Variants in OR8H1 observed in about 807,000 individuals in gnomAD.
OR8H1 encodes olfactory receptor 8H1.
For synonymous variants in OR8H1, 135 were observed against 134.5 expected (o/e 1.00, Z -0.03); for missense variants, 388 against 374.1 (o/e 1.04, Z -0.31).
In OR8H1 at chr11:56,290,218, G is replaced by A; in HGVS notation, c.845C>T (p.Pro282Leu). 1.2e-6 allele frequency: 2 copies of A among 1,612,452 alleles called. No homozygotes were observed. The highest frequency in any genetic ancestry group is 8.5e-7 in the Non-Finnish European group (1 of 1,179,466). The change falls in exon 2 of 2, where the codon CCC becomes CTC. Residue 282 changes from proline to leucine, a missense_variant. Pro to Leu is a moderately conservative substitution (Grantham distance 98). Transcript: ENST00000641600. ...VASVFYTIVI[P>L]MLNPLIYSLR... is the part of the protein sequence containing the mutation. Reference sequence around the variant, plus strand: ...ACTATAAATGAGTGGATTCAGCATGGGAATCACAATAGTATAAAAAACAGA... The same window carrying A: ...ACTATAAATGAGTGGATTCAGCATGAGAATCACAATAGTATAAAAAACAGA...
Position 56,290,055 on chromosome 11 carries a change from G to A in OR8H1, c.*72C>T, listed in dbSNP as rs766489568. On this transcript the variant is annotated 3_prime_UTR_variant, in exon 2 of 2. Transcript: ENST00000641600. ...TGAAGGATTCAATTGTTTTTATAGG[G>A]AGACCAAGGACATACCAAATAGAAA... 5 of 1,207,664 alleles carry A rather than the reference G, an allele frequency of 4.1e-6. No homozygotes were observed. Among genetic ancestry groups the A allele is most frequent in the Non-Finnish European group, 6.2e-6 (5 of 810,382 alleles). 74.8% of individuals were successfully genotyped at this position (1,207,664 alleles called of 1,614,324 possible).
At position 56,290,508 on chromosome 11, in the gene OR8H1, A is replaced by T; in HGVS notation, c.555T>A (p.Ala185=). 1 of 1,614,190 alleles carries T rather than the reference A, an allele frequency of 6.2e-7. No individual in the cohort carries two copies. Among genetic ancestry groups the T allele is most frequent in the Non-Finnish European group, 8.5e-7 (1 of 1,180,022 alleles). The stretch of plus-strand genomic sequence containing the variant: ...TGTCGTATGTGTCCATGCAGGACAG[A>T]GCTAAAATTGGAGACGTGTCGCAGA... ...HFFCDTSPIL[A]LSCMDTYDIE... The change falls in exon 2 of 2, where the codon GCT becomes GCA. Residue 185 remains alanine (A), a synonymous_variant. Transcript: ENST00000641600.
chr11:56,291,810 C>A (rs755289199), intron 1 of OR8H1, 141 bp downstream of exon 1: 1 of 152,090 alleles, frequency 6.6e-6, no homozygotes, highest in Non-Finnish European at 1.5e-5. Context: ...CTGATTCCAT[C>A]AACTCTACAT....
Position 56,290,737 on chromosome 11 carries a change from G to C in OR8H1, c.326C>G (p.Ala109Gly), listed in dbSNP as rs1260278549. The change falls in exon 2 of 2, where the codon GCT becomes GGT. Residue 109 changes from alanine (A) to glycine (G), a missense_variant. Coordinates refer to ENST00000641600, the MANE Select transcript of OR8H1 (RefSeq NM_001005199.2). ...CATTGATGAGAGAAGAAAACATTCA[G>C]CAGCTCCCAAGAAGACAAAAAAGAA... Reference protein sequence around the residue: ...QMFFFVFLGAAECFLLSSMAY... With the variant: ...QMFFFVFLGAGECFLLSSMAY... The C allele has an allele frequency of 2.5e-6, 4 of 1,613,992 alleles. No individual in the cohort carries two copies. The highest frequency in any genetic ancestry group is 3.4e-6 in the Non-Finnish European group (4 of 1,180,028).
rs1473582717 is a variant in OR8H1, at chr11:56,288,742, A to C, written c.*1385T>G. Reference sequence around the variant, plus strand: ...GATACAGAAAGCTGAAAATCAGTACACAGAAAGTGATATTTAGTTTACATA... The same window carrying C: ...GATACAGAAAGCTGAAAATCAGTACCCAGAAAGTGATATTTAGTTTACATA... On this transcript the variant is annotated 3_prime_UTR_variant, in exon 2 of 2. Transcript: ENST00000641600. The C allele has an allele frequency of 1.3e-5, 2 of 152,112 alleles. No homozygotes were observed. The highest frequency in any genetic ancestry group is 2.9e-5 in the Non-Finnish European group (2 of 67,950). The allele number at this position is 152,112 out of a possible 1,614,324, so 9.4% of individuals were successfully genotyped here. A position where few individuals can be genotyped will look rare whatever the true frequency, so the allele number is the denominator to read the frequency against.
chr11:56,290,914 C>A lies in OR8H1; in HGVS notation c.149G>T (p.Arg50Leu), dbSNP rs191885508. ...LGNVGMILIIRLDLQLHTPMY... is the reference protein window; with the variant it reads ...LGNVGMILIILLDLQLHTPMY... Reference sequence around the variant, plus strand: ...GGGAGTGTGAAGCTGGAGGTCCAGGCGGATTATCAATATCATCCCCACATT... The same window carrying A: ...GGGAGTGTGAAGCTGGAGGTCCAGGAGGATTATCAATATCATCCCCACATT... Residue 50 changes from arginine (R) to leucine (L), a missense_variant, in exon 2 of 2, where the codon CGC becomes CTC. By Grantham distance (102) the Arg-to-Leu change is moderately radical. Coordinates refer to ENST00000641600, the MANE Select transcript of OR8H1 (RefSeq NM_001005199.2). 2.3e-5 allele frequency: 37 copies of A among 1,613,998 alleles called. No individual in the cohort carries two copies. Among genetic ancestry groups the A allele is most frequent in the Admixed American group, 1.7e-4 (10 of 59,998 alleles).
intron 1 of OR8H1, 33 bp from the exon 2 acceptor site, chr11:56,291,117 G>T: frequency 3.2e-6 from 4 of 1,244,976 alleles, no homozygotes; most frequent in South Asian, 2.9e-5. Flanking sequence ...TAACATGAAT[G>T]ACTTCAAAAG....
chr11:56,291,022 A>G lies in OR8H1; in HGVS notation c.41T>C (p.Leu14Pro), dbSNP rs1393918549. 1 of 1,610,612 alleles carries G rather than the reference A, an allele frequency of 6.2e-7. No homozygotes were observed. The highest frequency in any genetic ancestry group is 1.1e-5 in the South Asian group (1 of 90,496). The part of the protein sequence containing the change: ...RNNTNVPDFI[L>P]TGLSDSEEVQ... ...CTCTTCAGAATCTGACAGTCCCGTAAGGATGAAGTCAGGCACATTTGTGTT... is the reference window on the plus strand; with the variant it reads ...CTCTTCAGAATCTGACAGTCCCGTAGGGATGAAGTCAGGCACATTTGTGTT... The change falls in exon 2 of 2, where the codon CTT (leucine) becomes CCT (proline). Residue 14 changes from leucine (L) to proline (P), a missense_variant. Physicochemically the swap from Leu to Pro is moderately conservative, Grantham distance 98. Coordinates refer to ENST00000641600, the MANE Select transcript of OR8H1 (RefSeq NM_001005199.2).
In OR8H1 at chr11:56,288,700, T is replaced by G. The variant is rs915295752; in HGVS notation, c.*1427A>C. 2.0e-5 allele frequency: 3 copies of G among 152,096 alleles called. No individual in the cohort carries two copies. Among genetic ancestry groups the G allele is most frequent in the African/African-American group, 7.2e-5 (3 of 41,462 alleles). 9.4% of individuals were successfully genotyped at this position (152,096 alleles called of 1,614,324 possible). ...TGTCAATGACAAAGAGATTATCCAATGTTAAACTTGTAAATGGATACAGAA... is the reference window on the plus strand; with the variant it reads ...TGTCAATGACAAAGAGATTATCCAAGGTTAAACTTGTAAATGGATACAGAA... On this transcript the variant is annotated 3_prime_UTR_variant, in exon 2 of 2. Transcript: ENST00000641600.
Position 56,291,082 on chromosome 11 carries a change from C to T in OR8H1, c.-20G>A, listed in dbSNP as rs369242096. 2.8e-5 allele frequency: 43 copies of T among 1,522,050 alleles called. No homozygotes were observed. In the African/African-American group the frequency reaches 5.1e-4, roughly 18 times the overall value. The allele number at this position is 1,522,050 out of a possible 1,614,324, so 94.3% of individuals were successfully genotyped here. A position where few individuals can be genotyped will look rare whatever the true frequency, so the allele number is the denominator to read the frequency against. On this transcript the variant is annotated splice_region_variant and 5_prime_UTR_variant, in exon 2 of 2. Transcript: ENST00000641600. ...ACCCATGATGTTCAATTGCTTTAAA[C>T]TGCTGAGAAATCAAAGTTGATACTT...
rs149582283 is a variant in OR8H1, at chr11:56,290,444, T to A, written c.619A>T (p.Met207Leu). 6.8e-6 allele frequency: 11 copies of A among 1,614,194 alleles called. 1 individual carries two copies. The South Asian group carries it at 1.2e-4, about 18-fold the overall frequency. Residue 207 changes from methionine (M) to leucine (L), a missense_variant, in exon 2 of 2, where the codon ATG (methionine) becomes TTG (leucine). Physicochemically the swap from Met to Leu is conservative, Grantham distance 15. Coordinates refer to ENST00000641600, the MANE Select transcript of OR8H1 (RefSeq NM_001005199.2). ...MIHILAGSTLMVSLITISASY... is the reference protein window; with the variant it reads ...MIHILAGSTLLVSLITISASY... ...GCAGATATTGTGATAAGGGACACCATCAGGGTGGAACCAGCTAAAATGTGT... is the reference window on the plus strand; with the variant it reads ...GCAGATATTGTGATAAGGGACACCAACAGGGTGGAACCAGCTAAAATGTGT...
chr11:56,290,096 G>A lies in OR8H1; in HGVS notation c.*31C>T, dbSNP rs1854120420. The A allele has an allele frequency of 6.6e-7, 1 of 1,506,442 alleles. No homozygotes were observed. The highest frequency in any genetic ancestry group is 1.1e-5 in the South Asian group (1 of 88,836). The allele number at this position is 1,506,442 out of a possible 1,614,324, so 93.3% of individuals were successfully genotyped here. ...CAAATAGAAAAGAAAGAAAAGATGA[G>A]TTTAAATGTTCAGCATTCCTGCTAT... is the stretch of plus-strand genomic sequence containing the variant. On this transcript the variant is annotated 3_prime_UTR_variant, in exon 2 of 2. Transcript: ENST00000641600.
rs1247006908 is a variant in OR8H1, at chr11:56,290,048, T to G, written c.*79A>C. ...GCAAACATGAAGGATTCAATTGTTT[T>G]TATAGGGAGACCAAGGACATACCAA... On this transcript the variant is annotated 3_prime_UTR_variant, in exon 2 of 2. Transcript: ENST00000641600. 8.6e-7 allele frequency: 1 copy of G among 1,159,508 alleles called. No individual in the cohort carries two copies. The highest frequency in any genetic ancestry group is 1.3e-6 in the Non-Finnish European group (1 of 766,534). 71.8% of individuals were successfully genotyped at this position (1,159,508 alleles called of 1,614,324 possible).
rs746476605 is a variant in OR8H1, at chr11:56,290,726, G to T, written c.337C>A (p.Leu113Ile). The stretch of plus-strand genomic sequence containing the variant: ...CGATCATAGGCCATTGATGAGAGAA[G>T]AAAACATTCAGCAGCTCCCAAGAAG... Reference protein sequence around the residue: ...FVFLGAAECFLLSSMAYDRYV... With the variant: ...FVFLGAAECFILSSMAYDRYV... Residue 113 changes from leucine to isoleucine, a missense_variant, in exon 2 of 2, where the codon CTT (leucine) becomes ATT (isoleucine). Physicochemically the swap from Leu to Ile is conservative, Grantham distance 5. Coordinates refer to ENST00000641600, the MANE Select transcript of OR8H1 (RefSeq NM_001005199.2). The T allele has an allele frequency of 8.1e-6, 13 of 1,614,044 alleles. No homozygotes were observed. The highest frequency in any genetic ancestry group is 1.1e-5 in the Non-Finnish European group (13 of 1,179,984).
At position 56,291,087 on chromosome 11, in the gene OR8H1, G is replaced by A. The variant is rs779324381; in HGVS notation, c.-22-3C>T. 8.7e-6 allele frequency: 13 copies of A among 1,500,556 alleles called. No individual in the cohort carries two copies. Among genetic ancestry groups the A allele is most frequent in the Non-Finnish European group, 1.2e-5 (13 of 1,112,762 alleles). 93.0% of individuals were successfully genotyped at this position (1,500,556 alleles called of 1,614,324 possible). ...TGATGTTCAATTGCTTTAAACTGCTGAGAAATCAAAGTTGATACTTAACAT... is the reference window on the plus strand; with the variant it reads ...TGATGTTCAATTGCTTTAAACTGCTAAGAAATCAAAGTTGATACTTAACAT... On this transcript the variant is annotated splice_polypyrimidine_tract_variant and splice_region_variant and intron_variant, in intron 1 of 1. Transcript: ENST00000641600.
At position 56,290,282 on chromosome 11, in the gene OR8H1, G is replaced by C; in HGVS notation, c.781C>G (p.Pro261Ala). The change falls in exon 2 of 2, where the codon CCA becomes GCA. Residue 261 changes from proline (P) to alanine (A), a missense_variant. By Grantham distance (27) the Pro-to-Ala change is conservative. Coordinates refer to ENST00000641600, the MANE Select transcript of OR8H1 (RefSeq NM_001005199.2). ...YGTMIFTYLKPRKSYSLGRDQ... is the reference protein window; with the variant it reads ...YGTMIFTYLKARKSYSLGRDQ... ...CTTCCCAAAGAATAAGACTTTCTTG[G>C]TTTTAAATAAGTAAAAATCATAGTT... 1.2e-6 allele frequency: 2 copies of C among 1,613,176 alleles called. No homozygotes were observed. The highest frequency in any genetic ancestry group is 1.7e-6 in the Non-Finnish European group (2 of 1,179,780).
At position 56,290,293 on chromosome 11, in the gene OR8H1, G is replaced by C; in HGVS notation, c.770C>G (p.Thr257Ser). ...VTIFYGTMIFTYLKPRKSYSL... is the reference protein window; with the variant it reads ...VTIFYGTMIFSYLKPRKSYSL... ...ATAAGACTTTCTTGGTTTTAAATAA[G>C]TAAAAATCATAGTTCCATAAAAGAT... is the stretch of plus-strand genomic sequence containing the variant. The change falls in exon 2 of 2, where the codon ACT becomes AGT. Residue 257 changes from threonine (T) to serine (S), a missense_variant. Thr to Ser is a moderately conservative substitution (Grantham distance 58). Transcript: ENST00000641600. The C allele has an allele frequency of 6.2e-7, 1 of 1,613,076 alleles. No individual in the cohort carries two copies. Among genetic ancestry groups the C allele is most frequent in the Non-Finnish European group, 8.5e-7 (1 of 1,179,740 alleles).
chr11:56,291,510 T>C (rs1854151723), intron 1 of OR8H1, among the ~76,000 whole-genome samples: 1 of 152,190 alleles, frequency 6.6e-6, no homozygotes, highest in African/African-American at 2.4e-5. Flanking sequence ...TATAATACTA[T>C]ACTCCTGTTT....
At chr11:56,291,178 A>C (rs1262871595) in intron 1 of OR8H1, 94 bp from the exon 2 acceptor site, 1 of 732,778 alleles carries the variant, frequency 1.4e-6, no homozygotes, top group Non-Finnish European at 2.2e-6. Context: ...TGTTTCTATA[A>C]ATTGCTAATA....
Sources: gnomAD v4.1 joint callset for allele counts (sites outside exome capture counted in the v4.1 genomes callset) on GRCh38, gnomAD v4.1.1 for gene constraint, MANE v1.5 for transcripts, NCBI Gene and HGNC (gene_info 2026-07-23, HGNC 2026-07-21) for gene names.